The following CNRIP1 variants were observed in gnomAD, a reference collection of about 807,000 sequenced individuals.
The protein encoded by CNRIP1 is cannabinoid receptor interacting protein 1.
CNRIP1 carries 10 observed loss-of-function variants against 15.2 expected under a neutral mutation model. That is an observed-to-expected ratio of 0.66 (90% CI 0.41 to 1.12). CNRIP1 has a LOEUF of 1.12. Among genes scored for constraint, CNRIP1 ranks in the 50% most tolerant of loss-of-function variants. The pLI is 0.00. For synonymous variants in CNRIP1, 91 were observed against 83.2 expected (o/e 1.09, Z -0.51); for missense variants, 211 against 214.7 (o/e 0.98, Z 0.11).
At chr2:68,319,150 T>C (rs1243867019) in intron 1 of CNRIP1, 72 bp downstream of exon 1, 5 of 1,405,930 alleles carry the variant, frequency 3.6e-6, no homozygotes, top group Non-Finnish European at 4.7e-6. Context: ...AGGCTCGGGC[T>C]GTCCTGGGGG....
At chr2:68,284,210 A>C in exon 3 of CNRIP1, 1 of 369,232 alleles carries the variant, frequency 2.7e-6, no homozygotes, top group Non-Finnish European at 4.8e-6. Context: ...AATCACCTAA[A>C]GTGCTTAATA....
intron 1 of CNRIP1, 35 bp from the exon 2 acceptor site, chr2:68,317,342 A>G: frequency 6.2e-7 from 1 of 1,608,672 alleles, no homozygotes; most frequent in Non-Finnish European, 8.5e-7. Flanking sequence ...ATACGGTTGA[A>G]ATTAGCCTAG....
At chr2:68,291,878 C>CAAA (rs527648471), downstream of CNRIP1, among the ~76,000 whole-genome samples, 5 of 85,030 alleles carry the variant, frequency 5.9e-5, no homozygotes, top group Admixed American at 2.6e-4. Context: ...GACTCCATCT[C>CAAA]AAAAAAAAAA....
At chr2:68,305,434 A>C (rs1671796761) in intron 2 of CNRIP1, among the ~76,000 whole-genome samples, 2 of 151,846 alleles carry the variant, frequency 1.3e-5, no homozygotes, top group African/African-American at 4.8e-5. Context: ...TCCCTGGATT[A>C]TTCAGATTTC....
downstream of CNRIP1, among the ~76,000 whole-genome samples, chr2:68,289,638 G>A (rs556022570): frequency 1.8e-3 from 268 of 152,008 alleles, no homozygotes; most frequent in African/African-American, 6.1e-3. Flanking sequence ...ACACCACCAC[G>A]CCCAGCTAAT....
At chr2:68,313,995 CA>C (rs1672185694) in intron 2 of CNRIP1, among the ~76,000 whole-genome samples, 1 of 152,152 alleles carries the variant, frequency 6.6e-6, no homozygotes, top group Non-Finnish European at 1.5e-5. Context: ...ACTCTTTCCT[CA>C]AATGCTCTTT....
At chr2:68,309,986 T>C (rs573778719) in intron 2 of CNRIP1, among the ~76,000 whole-genome samples, 14 of 152,342 alleles carry the variant, frequency 9.2e-5, no homozygotes, top group African/African-American at 3.4e-4. Context: ...TATGCATGCA[T>C]GTATTTTGAG....
chr2:68,303,353 T>G (rs1671690657), intron 2 of CNRIP1, among the ~76,000 whole-genome samples: 1 of 152,166 alleles, frequency 6.6e-6, no homozygotes, highest in Admixed American at 6.5e-5. Context: ...TGGGTAAGTG[T>G]GGAGAAGGTC....
chr2:68,305,274 ATGTGTGTGTGTGTGTGTGTGTG>A (rs10601379), intron 2 of CNRIP1, among the ~76,000 whole-genome samples: 7 of 120,640 alleles, frequency 5.8e-5, no homozygotes, highest in South Asian at 2.6e-4. Context: ...ATATATATAT[ATGTGTGTGTGTGTGTGTGTGTG>A]TGTGTGTGTG....
chr2:68,298,116 T>C (rs1040112749), intron 2 of CNRIP1, among the ~76,000 whole-genome samples: 7 of 152,226 alleles, frequency 4.6e-5, no homozygotes, highest in African/African-American at 1.7e-4. Context: ...AATTATGACT[T>C]TGTTCACAAT....
rs375102359 is a variant in CNRIP1 at position 68,311,591 on chromosome 2, T to C, written c.330+5566A>G. 1.1e-3 allele frequency among the ~76,000 whole-genome samples: 165 copies of C among 151,974 alleles called. 1 individual carries two copies. The South Asian group carries it at 0.032, about 29-fold the overall frequency. ...GAGTTCGAGACCAGCCTGGCCAACA[T>C]GGCAAAAGCCCATCTCTACTAAAAA... On this transcript the variant is annotated intron_variant, in intron 2 of 2. Transcript: ENST00000263655.
Position 68,293,325 on chromosome 2 carries a change from G to A in CNRIP1, c.*537C>T. On this transcript the variant is annotated 3_prime_UTR_variant, in exon 3 of 3. Transcript: ENST00000263655. ...CATCCTTCCCTGAAAGAGCGGAGCT[G>A]TTTATAGGAAGCACAACATTTGAGT... 1 of 986,350 alleles carries A rather than the reference G, an allele frequency of 1.0e-6. No individual in the cohort carries two copies. The highest frequency in any genetic ancestry group is 4.7e-5 in the South Asian group (1 of 21,336). The allele number at this position is 986,350 out of a possible 1,614,324, so 61.1% of individuals were successfully genotyped here.
At chr2:68,299,100 G>C (rs1017360070) in intron 2 of CNRIP1, among the ~76,000 whole-genome samples, 3 of 152,198 alleles carry the variant, frequency 2.0e-5, no homozygotes, top group African/African-American at 7.2e-5. Flanking sequence ...AGAGAGGTTA[G>C]ATGATTTGCC....
At chr2:68,284,437 A>C (rs1670977485) in exon 3 of CNRIP1, 5 of 1,523,592 alleles carry the variant, frequency 3.3e-6, no homozygotes, top group Non-Finnish European at 3.5e-6. Flanking sequence ...CTTATTCTTC[A>C]CATTCATATG....
chr2:68,285,819 G>A (rs1017214071), intron 2 of CNRIP1, among the ~76,000 whole-genome samples: 14 of 152,104 alleles, frequency 9.2e-5, no homozygotes, highest in Admixed American at 5.2e-4. Context: ...AACCACTGCC[G>A]CTATCAGGAT....
chr2:68,292,187 G>C (rs536581261), downstream of CNRIP1, among the ~76,000 whole-genome samples: 1 of 151,884 alleles, frequency 6.6e-6, no homozygotes, highest in Non-Finnish European at 1.5e-5. Flanking sequence ...TTAGGAATGG[G>C]TTAGTACTTA....
intron 2 of CNRIP1, among the ~76,000 whole-genome samples, chr2:68,294,518 A>G (rs943901696): frequency 6.6e-6 from 1 of 152,058 alleles, no homozygotes; most frequent in Non-Finnish European, 1.5e-5. Flanking sequence ...TCATCCCCCA[A>G]ATGGTCCCTG....
At chr2:68,312,722 A>G (rs879719269) in intron 2 of CNRIP1, among the ~76,000 whole-genome samples, 9 of 152,180 alleles carry the variant, frequency 5.9e-5, no homozygotes, top group Non-Finnish European at 8.8e-5. Flanking sequence ...AAAAACAGCT[A>G]TTAGGATTAG....
rs1671238749 is a variant in CNRIP1, at chr2:68,293,599, AG to A, written c.*262del. 8.9e-7 allele frequency: 1 copy of A among 1,120,586 alleles called. No individual in the cohort carries two copies. Among genetic ancestry groups the A allele is most frequent in the Non-Finnish European group, 1.1e-6 (1 of 911,774 alleles). 69.4% of individuals were successfully genotyped at this position (1,120,586 alleles called of 1,614,324 possible). On this transcript the variant is annotated 3_prime_UTR_variant, in exon 3 of 3. Transcript: ENST00000263655. ...TGAACTCCAGTCACAAGTGGTCAAA[AG>A]TATGACCGAGAACAACTGGATGCAG...
Sources: gnomAD v4.1 joint callset for allele counts (sites outside exome capture counted in the v4.1 genomes callset) on GRCh38, gnomAD v4.1.1 for gene constraint, MANE v1.5 for transcripts, NCBI Gene and HGNC (gene_info 2026-07-23, HGNC 2026-07-21) for gene names.